The following PCDH15 variants were observed in gnomAD, a reference collection of about 807,000 sequenced individuals.
The protein encoded by PCDH15 is protocadherin-15.
In PCDH15, 129 loss-of-function variants were observed where a neutral mutation model predicts 178.5. That is an observed-to-expected ratio of 0.72 (90% CI 0.63 to 0.84). The LOEUF is 0.84. Ranked by LOEUF, PCDH15 falls within the 40% of genes least tolerant of loss-of-function variation. PCDH15 has a pLI of 0.00. For missense variants in PCDH15, 2,230 were observed against 2,099.9 expected (o/e 1.06, Z -1.21); for synonymous variants, 800 against 732.0 (o/e 1.09, Z -1.50).
At chr10:54,162,924 G>C (rs575944684) in intron 13 of PCDH15, among the ~76,000 whole-genome samples, 1 of 152,038 alleles carries the variant, frequency 6.6e-6, no homozygotes, top group African/African-American at 2.4e-5. Flanking sequence ...TGACAGAGTC[G>C]ATTTTTCTTT....
At chr10:55,173,755 TTA>T (rs1156415972) in intron 1 of PCDH15, among the ~76,000 whole-genome samples, 2 of 152,148 alleles carry the variant, frequency 1.3e-5, no homozygotes, top group Non-Finnish European at 2.9e-5. Context: ...TGTGAAATGT[TTA>T]TATGTTAAAA....
rs530787644 is a variant in PCDH15, at chr10:54,744,247, T to C, written c.-29+56678A>G. On this transcript the variant is annotated intron_variant, in intron 1 of 37. Coordinates refer to ENST00000644397, the MANE Select transcript of PCDH15 (RefSeq NM_001384140.1). ...AAGTGGACCCATCACTGGTTGAACCTTGGGATAACTATAGCCCAATTGACA... is the reference window on the plus strand; with the variant it reads ...AAGTGGACCCATCACTGGTTGAACCCTGGGATAACTATAGCCCAATTGACA... 6.6e-5 allele frequency among the ~76,000 whole-genome samples: 10 copies of C among 152,240 alleles called. No homozygotes were observed. The South Asian group carries it at 2.1e-3, about 32-fold the overall frequency.
chr10:55,284,346 C>G (rs1298680060), intron 1 of PCDH15, among the ~76,000 whole-genome samples: 1 of 151,952 alleles, frequency 6.6e-6, no homozygotes, highest in Non-Finnish European at 1.5e-5. Flanking sequence ...AGTAAGTTCT[C>G]AACAGGAAAT....
Position 53,923,944 on chromosome 10 carries a change from TG to T in PCDH15, c.3373+14870del, listed in dbSNP as rs527884341. On this transcript the variant is annotated intron_variant, in intron 25 of 37. Coordinates refer to ENST00000644397, the MANE Select transcript of PCDH15 (RefSeq NM_001384140.1). ...GACAGCCTCAGAAAGACAAATGAGA[TG>T]GGGCCTCAAGGGACAATAATTTTTT... Among the ~76,000 whole-genome samples the T allele has an allele frequency of 2.4e-3, 369 of 152,120 alleles. 2 individuals are homozygous for T. The highest frequency in any genetic ancestry group is 8.6e-3 in the African/African-American group (355 of 41,498).
intron 2 of PCDH15, among the ~76,000 whole-genome samples, chr10:54,988,865 C>T (rs1446655492): frequency 2.6e-5 from 4 of 152,290 alleles, no homozygotes. Context: ...TGTTTATCCC[C>T]AGGATCATGG....
At chr10:53,983,235 T>C (rs2090818937) in intron 21 of PCDH15, among the ~76,000 whole-genome samples, 1 of 146,982 alleles carries the variant, frequency 6.8e-6, no homozygotes, top group Non-Finnish European at 1.5e-5. Context: ...TGTGTGTTTG[T>C]GTGTGTGTGT....
chr10:55,137,877 G>A (rs1031776698), intron 2 of PCDH15, among the ~76,000 whole-genome samples: 1 of 152,102 alleles, frequency 6.6e-6, no homozygotes, highest in East Asian at 1.9e-4. Flanking sequence ...TACTGTAGGT[G>A]ATCCAAAGCT....
At chr10:53,899,805 C>T (rs2082205819) in intron 26 of PCDH15, among the ~76,000 whole-genome samples, 1 of 152,134 alleles carries the variant, frequency 6.6e-6, no homozygotes, top group Non-Finnish European at 1.5e-5. Flanking sequence ...TTAACTCATG[C>T]TCTGATTAAA....
At chr10:53,974,658 C>T (rs1299517497) in intron 21 of PCDH15, among the ~76,000 whole-genome samples, 1 of 152,074 alleles carries the variant, frequency 6.6e-6, no homozygotes, top group African/African-American at 2.4e-5. Flanking sequence ...TATCATATTC[C>T]ACACTACTGG....
chr10:54,947,939 T>C (rs934372240), intron 2 of PCDH15, among the ~76,000 whole-genome samples: 2 of 151,966 alleles, frequency 1.3e-5, no homozygotes, highest in Non-Finnish European at 2.9e-5. Context: ...CACTTGATCC[T>C]TCCAATTCTA....
In PCDH15 at chr10:53,806,727, A is replaced by C. The variant is rs1326095646; in HGVS notation, c.5075T>G (p.Leu1692Arg). The change falls in exon 38 of 38, where the codon CTG becomes CGG. Residue 1692 changes from leucine (L) to arginine (R), a missense_variant. By Grantham distance (102) the Leu-to-Arg change is moderately radical (BLOSUM62 -2). Coordinates refer to ENST00000644397, the MANE Select transcript of PCDH15 (RefSeq NM_001384140.1). ...NTAVKPLRNR[L>R]KSTVEQESMI... ...GGACTCCTGTTCAACTGTGCTTTTC[A>C]GCCTGTTCCTTAGTGGCTTCACCGC... The C allele has an allele frequency of 6.2e-7, 1 of 1,613,718 alleles. No individual in the cohort carries two copies. The highest frequency in any genetic ancestry group is 1.3e-5 in the African/African-American group (1 of 74,896).
intron 2 of PCDH15, among the ~76,000 whole-genome samples, chr10:54,899,355 T>A (rs982284580): frequency 6.6e-6 from 1 of 152,100 alleles, no homozygotes; most frequent in Admixed American, 6.6e-5. Flanking sequence ...GGTGCTAGCT[T>A]TCTTTTTCAG....
chr10:55,155,451 T>C (rs1488721028), intron 2 of PCDH15, among the ~76,000 whole-genome samples: 6 of 145,840 alleles, frequency 4.1e-5, no homozygotes, highest in African/African-American at 1.6e-4. Context: ...TAAGACAGTG[T>C]TCACAGATTT....
chr10:54,839,358 G>A (rs1953376612), intron 3 of PCDH15, among the ~76,000 whole-genome samples: 1 of 151,974 alleles, frequency 6.6e-6, no homozygotes, highest in South Asian at 2.1e-4. Context: ...AATATCTGAA[G>A]CTGAAGAATA....
intron 2 of PCDH15, among the ~76,000 whole-genome samples, chr10:55,567,949 C>A (rs1842335553): frequency 6.6e-6 from 1 of 151,596 alleles, no homozygotes; most frequent in Non-Finnish European, 1.5e-5. Flanking sequence ...GAACATAAAA[C>A]CCTTGTGCAC....
At chr10:55,450,539 T>C (rs530743917) in intron 2 of PCDH15, among the ~76,000 whole-genome samples, 3 of 152,154 alleles carry the variant, frequency 2.0e-5, no homozygotes, top group Non-Finnish European at 4.4e-5. Context: ...AGAACTCTTT[T>C]GGTACTAAAG....
chr10:54,133,023 GGAAAAGAA>G lies in PCDH15; in HGVS notation c.1785-24_1785-17del. 1 of 1,613,844 alleles carries G rather than the reference GGAAAAGAA, an allele frequency of 6.2e-7. No homozygotes were observed. ...GATGGAGTTCCTGCAGAGAAAGAGA[GGAAAAGAA>G]GATGGTTACGAATCTGCATCACATT... On this transcript the variant is annotated splice_polypyrimidine_tract_variant and intron_variant, in intron 14 of 37. Transcript: ENST00000644397.
At chr10:55,082,475 A>G (rs989861402) in intron 2 of PCDH15, among the ~76,000 whole-genome samples, 1 of 151,848 alleles carries the variant, frequency 6.6e-6, no homozygotes, top group Non-Finnish European at 1.5e-5. Flanking sequence ...AATGTTAAAT[A>G]CACAACCTAA....
At chr10:53,822,923 TTGCCAC>T in intron 32 of PCDH15, 1 of 1,614,194 alleles carries the variant, frequency 6.2e-7, no homozygotes, top group Non-Finnish European at 8.5e-7. Context: ...GCCTGGTGCC[TTGCCAC>T]TGCTGCAGAT....
Sources: allele counts gnomAD v4.1 joint callset (sites outside exome capture counted in the v4.1 genomes callset), GRCh38; gene constraint gnomAD v4.1.1; transcripts MANE v1.5; gene names NCBI Gene and HGNC (gene_info 2026-07-23, HGNC 2026-07-21).